The following HERC1 variants were observed in gnomAD, a reference collection of about 807,000 sequenced individuals.
HERC1 encodes the protein HECT and RLD domain containing E3 ubiquitin protein ligase family member 1.
Under a neutral mutation model 554.3 loss-of-function variants are expected in HERC1, and 160 were observed. The observed-to-expected ratio is 0.29, with a 90% CI of 0.25 to 0.33. The LOEUF (loss-of-function observed/expected upper bound fraction) is 0.33, where lower values mean the gene tolerates loss of function less well. Among genes scored for constraint, HERC1 ranks in the 10% least tolerant of loss-of-function variants. The pLI is 1.00. For missense variants in HERC1, 4,919 were observed against 5,918.5 expected (o/e 0.83, Z 5.54); for synonymous variants, 2,175 against 2,131.7 (o/e 1.02, Z -0.56).
chr15:63,741,696 T>C (rs2074815328), intron 12 of HERC1, among the ~76,000 whole-genome samples: 1 of 152,220 alleles, frequency 6.6e-6, no homozygotes, highest in Admixed American at 6.5e-5. Flanking sequence ...GCCAACTTCA[T>C]TCTTTTGCAT....
At chr15:63,800,735 G>A (rs1381831411) in intron 1 of HERC1, among the ~76,000 whole-genome samples, 1 of 152,126 alleles carries the variant, frequency 6.6e-6, no homozygotes, top group South Asian at 2.1e-4. Flanking sequence ...TACATACTTG[G>A]TGTTCGTAAT....
rs1382422663 is a variant in HERC1, at chr15:63,680,316, T to C, written c.6466-156A>G. ...CCTTGCTAACCGAGAAAATTCTACA[T>C]ATAATAAGTGATCATAATGTGTTCA... is the stretch of plus-strand genomic sequence containing the variant. On this transcript the variant is annotated intron_variant, in intron 35 of 77. Coordinates refer to ENST00000443617, the MANE Select transcript of HERC1 (RefSeq NM_003922.4). The surrounding 1 kb of genome is among the most constrained non-coding windows in gnomAD (Gnocchi z 5.8). Among the ~76,000 whole-genome samples, 2 of 152,212 alleles carry C rather than the reference T, an allele frequency of 1.3e-5. No homozygotes were observed. Among genetic ancestry groups the C allele is most frequent in the Admixed American group, 6.5e-5 (1 of 15,288 alleles).
intron 19 of HERC1, among the ~76,000 whole-genome samples, chr15:63,719,215 C>T (rs1318717134): frequency 1.3e-5 from 2 of 152,186 alleles, no homozygotes; most frequent in African/African-American, 2.4e-5. Context: ...ACAGGGAGTA[C>T]TGTATATGTG....
chr15:63,752,205 G>T (rs1450751628), intron 8 of HERC1, among the ~76,000 whole-genome samples: 1 of 152,174 alleles, frequency 6.6e-6, no homozygotes, highest in African/African-American at 2.4e-5. Flanking sequence ...ATTATATGCT[G>T]ATTTCAGCTT....
chr15:63,722,623 G>C (rs1334486969), intron 19 of HERC1, among the ~76,000 whole-genome samples: 1 of 152,158 alleles, frequency 6.6e-6, no homozygotes, highest in African/African-American at 2.4e-5. Flanking sequence ...TTGGTTTTAT[G>C]ATCTACTGCT....
rs2069749925 is a variant in HERC1, at chr15:63,652,537, A to G, written c.10295T>C (p.Met3432Thr). 2 of 1,586,772 alleles carry G rather than the reference A, an allele frequency of 1.3e-6. No individual in the cohort carries two copies. The highest frequency in any genetic ancestry group is 1.7e-6 in the Non-Finnish European group (2 of 1,164,504). Residue 3432 changes from methionine (M) to threonine (T), a missense_variant, in exon 52 of 78, where the codon ATG becomes ACG. Around this residue, in one of 11 missense-constraint regions of HERC1, gnomAD observed 1,963 missense variants for 2,228.6 expected, o/e 0.88. Transcript: ENST00000443617. ...TTTTTTATTACACCAAACACATGTC[A>G]TTACCTAGAAAAGTTGAAACAGGTA... Reference protein sequence around the residue: ...IKLEAHQNRVMTCVWCNKKGL... With the variant: ...IKLEAHQNRVTTCVWCNKKGL...
intron 18 of HERC1, among the ~76,000 whole-genome samples, chr15:63,724,203 T>G (rs898885259): frequency 6.6e-6 from 1 of 152,180 alleles, no homozygotes; most frequent in African/African-American, 2.4e-5. Context: ...AGGGTAGAGA[T>G]AGAGATACTT....
Position 63,749,797 on chromosome 15 carries a change from A to G in HERC1, c.1903-6T>C. ...CCACAGCCCCAAGCATAGACCTGAAAAAAACAGAAATACGTTACACATAAC... is the reference window on the plus strand; with the variant it reads ...CCACAGCCCCAAGCATAGACCTGAAGAAAACAGAAATACGTTACACATAAC... On this transcript the variant is annotated splice_polypyrimidine_tract_variant and splice_region_variant and intron_variant, in intron 8 of 77. Transcript: ENST00000443617. This position sits in a 1 kb window ranked among gnomAD's most constrained non-coding sequence, Gnocchi z 4.1. 6.5e-7 allele frequency: 1 copy of G among 1,541,240 alleles called. No individual in the cohort carries two copies. The highest frequency in any genetic ancestry group is 8.7e-7 in the Non-Finnish European group (1 of 1,145,352).
At chr15:63,746,768 T>A in intron 12 of HERC1, 150 bp downstream of exon 12, 1 of 660,412 alleles carries the variant, frequency 1.5e-6, no homozygotes, top group Non-Finnish European at 2.5e-6. Flanking sequence ...CAAGGATGAG[T>A]TAACCAAAAA....
intron 1 of HERC1, among the ~76,000 whole-genome samples, chr15:63,788,034 A>G (rs2076514220): frequency 6.6e-6 from 1 of 152,078 alleles, no homozygotes; most frequent in East Asian, 1.9e-4. Flanking sequence ...ATTGAACTCA[A>G]AGGAAAGAAA....
In HERC1 at chr15:63,638,433, G is replaced by A. The variant is rs2068883046; in HGVS notation, c.12071C>T (p.Pro4024Leu). The change falls in exon 63 of 78, where the codon CCC becomes CTC. Residue 4024 changes from proline to leucine, a missense_variant. Physicochemically the swap from Pro to Leu is moderately conservative, Grantham distance 98. Transcript: ENST00000443617. ...TACCTGTTGGGCCTGTGAGAATGAG[G>A]GAGCTGCTGCAGGTACCATTACATT... ...GRNVMVPAAA[P>L]SFSQAQQVIC... 1 of 1,612,132 alleles carries A rather than the reference G, an allele frequency of 6.2e-7. No individual in the cohort carries two copies. Among genetic ancestry groups the A allele is most frequent in the South Asian group, 1.1e-5 (1 of 91,030 alleles).
intron 2 of HERC1, among the ~76,000 whole-genome samples, chr15:63,766,097 C>G (rs2075767900): frequency 6.6e-6 from 1 of 152,014 alleles, no homozygotes; most frequent in Admixed American, 6.6e-5. Context: ...TCAAGTGATC[C>G]TCCCACCTCA....
rs766656093 is a variant in HERC1 at position 63,654,332 on chromosome 15, A to G, written c.10085-8T>C. 15 of 1,607,900 alleles carry G rather than the reference A, an allele frequency of 9.3e-6. No individual in the cohort carries two copies. The highest frequency in any genetic ancestry group is 1.2e-5 in the Non-Finnish European group (14 of 1,176,104). On this transcript the variant is annotated splice_polypyrimidine_tract_variant and splice_region_variant and intron_variant, in intron 50 of 77. Transcript: ENST00000443617. ...TAGCCAACTCCAGAGGGCCTACAGC[A>G]GAAGGATCATAGGAAGGATGGGCAT...
At chr15:63,659,131 G>C (rs2070212273) in intron 47 of HERC1, among the ~76,000 whole-genome samples, 1 of 151,918 alleles carries the variant, frequency 6.6e-6, no homozygotes, top group Non-Finnish European at 1.5e-5. Flanking sequence ...ATAAAAAGAA[G>C]ACTGCACAAT....
At chr15:63,828,387 T>C (rs904770480) in intron 1 of HERC1, among the ~76,000 whole-genome samples, 1 of 152,066 alleles carries the variant, frequency 6.6e-6, no homozygotes, top group Non-Finnish European at 1.5e-5. Flanking sequence ...TTGCCCAGGC[T>C]GCAGTGCAAT....
intron 37 of HERC1, among the ~76,000 whole-genome samples, chr15:63,675,903 C>CTTTTT (rs201499820): frequency 7.5e-6 from 1 of 133,308 alleles, no homozygotes; most frequent in Non-Finnish European, 1.6e-5. Context: ...CTGTATACAT[C>CTTTTT]TTTTTTTTTT....
At chr15:63,761,857 A>C (rs1353444535) in intron 3 of HERC1, among the ~76,000 whole-genome samples, 5 of 152,208 alleles carry the variant, frequency 3.3e-5, no homozygotes, top group Non-Finnish European at 7.3e-5. Flanking sequence ...AAGAAGATAT[A>C]AATGTAAAGG....
chr15:63,677,852 T>C lies in HERC1; in HGVS notation c.7063A>G (p.Thr2355Ala). 6.2e-7 allele frequency: 1 copy of C among 1,613,308 alleles called. No individual in the cohort carries two copies. Among genetic ancestry groups the C allele is most frequent in the South Asian group, 1.1e-5 (1 of 90,988 alleles). Residue 2355 changes from threonine to alanine, a missense_variant, in exon 37 of 78, where the codon ACT (threonine) becomes GCT (alanine). Thr to Ala is a moderately conservative substitution (Grantham distance 58). This residue lies in a region of HERC1 where 1,963 missense variants were observed against 2,228.6 expected (regional missense o/e 0.88). Transcript: ENST00000443617. This position sits in a 1 kb window ranked among gnomAD's most constrained non-coding sequence, Gnocchi z 4.4. ...TAACTCAACAGATCATACCTGATAGTAATTTCTGCTTCATCCCATTGGACC... is the reference window on the plus strand; with the variant it reads ...TAACTCAACAGATCATACCTGATAGCAATTTCTGCTTCATCCCATTGGACC... ...AKVQWDEAEI[T>A]ISFPTFWSPS...
intron 50 of HERC1, 123 bp downstream of exon 50, chr15:63,655,619 T>C: frequency 1.5e-6 from 1 of 683,694 alleles, no homozygotes. Context: ...TATGCACTTC[T>C]TTTATGTTCT....
Sources: allele counts gnomAD v4.1 joint callset (sites outside exome capture counted in the v4.1 genomes callset), GRCh38; gene constraint gnomAD v4.1.1; regional missense constraint gnomAD v4.1.1; non-coding constraint Gnocchi (gnomAD v3.1); transcripts MANE v1.5; gene names NCBI Gene and HGNC (gene_info 2026-07-23, HGNC 2026-07-21).